The following FBXL4 variants were observed in gnomAD, a reference collection of about 807,000 sequenced individuals.
FBXL4 encodes F-box and leucine rich repeat protein 4, also known as F-box/LRR-repeat protein 4.
FBXL4 carries 40 observed loss-of-function variants against 58.9 expected under a neutral mutation model. That is an observed-to-expected ratio of 0.68 (90% CI 0.53 to 0.88). The LOEUF is 0.88. Among genes scored for constraint, FBXL4 ranks in the 40% least tolerant of loss-of-function variants. The pLI is 0.00. For missense variants in FBXL4, 676 were observed against 734.4 expected (o/e 0.92, Z 0.92); for synonymous variants, 263 against 265.5 (o/e 0.99, Z 0.09).
chr6:98,900,771 ATCT>A (rs1771578715), intron 6 of FBXL4, among the ~76,000 whole-genome samples: 1 of 152,226 alleles, frequency 6.6e-6, no homozygotes, highest in Non-Finnish European at 1.5e-5. Context: ...TAGCCTGCAC[ATCT>A]TATTTACACG....
chr6:98,931,345 T>C (rs1292333375), intron 2 of FBXL4, among the ~76,000 whole-genome samples: 1 of 152,242 alleles, frequency 6.6e-6, no homozygotes, highest in African/African-American at 2.4e-5. Flanking sequence ...TGTGTTAAAG[T>C]TAAGCAAAAT....
At chr6:98,935,613 C>T (rs1366360394) in intron 1 of FBXL4, among the ~76,000 whole-genome samples, 1 of 150,686 alleles carries the variant, frequency 6.6e-6, no homozygotes. Context: ...CAAGGTGAAA[C>T]CCCGTCTCTA....
intron 7 of FBXL4, among the ~76,000 whole-genome samples, chr6:98,895,494 C>A (rs1033739950): frequency 2.0e-5 from 3 of 152,124 alleles, no homozygotes; most frequent in Non-Finnish European, 1.5e-5. Context: ...GCCAAGCTAT[C>A]AGAATAACTA....
intron 5 of FBXL4, among the ~76,000 whole-genome samples, chr6:98,913,729 G>A (rs1270256781): frequency 6.6e-6 from 1 of 152,118 alleles, no homozygotes; most frequent in African/African-American, 2.4e-5. Context: ...ATCTAAAATT[G>A]ACACCCTAAC....
intron 7 of FBXL4, among the ~76,000 whole-genome samples, chr6:98,890,755 C>T (rs1225481276): frequency 6.6e-6 from 1 of 151,988 alleles, no homozygotes; most frequent in Non-Finnish European, 1.5e-5. Flanking sequence ...CCTATCCCTA[C>T]TAAAAGTATA....
At chr6:98,886,634 G>T (rs1771048417) in intron 7 of FBXL4, among the ~76,000 whole-genome samples, 1 of 152,068 alleles carries the variant, frequency 6.6e-6, no homozygotes, top group African/African-American at 2.4e-5. Context: ...TAAGGGTCTT[G>T]CACATTGCTC....
intron 1 of FBXL4, among the ~76,000 whole-genome samples, chr6:98,937,213 G>A (rs1216379534): frequency 6.6e-6 from 1 of 152,034 alleles, no homozygotes; most frequent in African/African-American, 2.4e-5. Context: ...AGGAGGCTGA[G>A]GCAGGAGAAT....
intron 1 of FBXL4, among the ~76,000 whole-genome samples, chr6:98,935,709 A>T (rs1773189150): frequency 6.7e-6 from 1 of 150,318 alleles, no homozygotes; most frequent in African/African-American, 2.5e-5. Flanking sequence ...GAATGGCGTG[A>T]ACCCGGGAAG....
At chr6:98,896,735 G>T in intron 7 of FBXL4, 1 of 895,044 alleles carries the variant, frequency 1.1e-6, no homozygotes, top group Non-Finnish European at 1.3e-6. Flanking sequence ...AGTAACAGAG[G>T]GTACAACCTA....
chr6:98,934,183 A>G (rs1773115370), intron 2 of FBXL4, among the ~76,000 whole-genome samples: 2 of 152,344 alleles, frequency 1.3e-5, no homozygotes, highest in East Asian at 3.9e-4. Flanking sequence ...TTCCTCAAAT[A>G]CAATGATGTT....
chr6:98,910,391 C>T (rs549947006), intron 5 of FBXL4, among the ~76,000 whole-genome samples: 5 of 152,148 alleles, frequency 3.3e-5, no homozygotes, highest in Non-Finnish European at 7.4e-5. Flanking sequence ...CGGTGGCTCA[C>T]GCCCATAATC....
intron 8 of FBXL4, among the ~76,000 whole-genome samples, chr6:98,877,115 G>A (rs9402235): frequency 0.16 from 24,177 of 151,958 alleles, 2,310 homozygotes; most frequent in East Asian, 0.47. Context: ...ACAGATTTGG[G>A]GCTGCATTTT....
chr6:98,890,475 C>T (rs1430441943), intron 7 of FBXL4, among the ~76,000 whole-genome samples: 2 of 152,122 alleles, frequency 1.3e-5, no homozygotes, highest in African/African-American at 4.8e-5. Flanking sequence ...CATAAATTTG[C>T]ATAACAAATG....
chr6:98,895,583 A>G (rs1771381800), intron 7 of FBXL4, among the ~76,000 whole-genome samples: 1 of 152,202 alleles, frequency 6.6e-6, no homozygotes, highest in South Asian at 2.1e-4. Context: ...TCCTGACTCT[A>G]TTGCTTGTGC....
At chr6:98,926,369 A>G in intron 4 of FBXL4, 108 bp downstream of exon 4, 1 of 1,236,554 alleles carries the variant, frequency 8.1e-7, no homozygotes, top group Non-Finnish European at 1.1e-6. Flanking sequence ...TTCAAAATCA[A>G]ATTCAATTAA....
In FBXL4 at chr6:98,903,553, T is replaced by C. The variant is rs1191650547; in HGVS notation, c.1103+1873A>G. Among the ~76,000 whole-genome samples the C allele has an allele frequency of 5.9e-5, 9 of 152,186 alleles. 1 individual carries two copies. The East Asian group carries it at 1.7e-3, about 29-fold the overall frequency. On this transcript the variant is annotated intron_variant, in intron 6 of 9. Transcript: ENST00000369244. ...GGGTGAATTGAAAATGGAAGATAAA[T>C]TGTGGGTTAGAAAGTAGATAGAAAC...
intron 7 of FBXL4, among the ~76,000 whole-genome samples, chr6:98,881,246 A>G (rs1770843409): frequency 6.6e-6 from 1 of 152,194 alleles, no homozygotes; most frequent in Non-Finnish European, 1.5e-5. Flanking sequence ...CTGCCATTTA[A>G]GCCCATCTAT....
chr6:98,914,847 G>A (rs1213069038), intron 5 of FBXL4, among the ~76,000 whole-genome samples: 3 of 152,056 alleles, frequency 2.0e-5, no homozygotes, highest in East Asian at 1.9e-4. Flanking sequence ...GGAAATAAAG[G>A]GTATTCAATT....
intron 5 of FBXL4, among the ~76,000 whole-genome samples, chr6:98,910,451 A>G (rs1184998580): frequency 6.6e-6 from 1 of 151,872 alleles, no homozygotes; most frequent in African/African-American, 2.4e-5. Flanking sequence ...CAGGAGATCG[A>G]GACAATACTG....
Sources: gnomAD v4.1 joint callset for allele counts (sites outside exome capture counted in the v4.1 genomes callset) on GRCh38, gnomAD v4.1.1 for gene constraint, MANE v1.5 for transcripts, NCBI Gene and HGNC (gene_info 2026-07-23, HGNC 2026-07-21) for gene names.